The following ANKRD26 variants were observed in gnomAD, a reference collection of about 807,000 sequenced individuals.
ANKRD26 encodes the protein ankyrin repeat domain-containing protein 26.
ANKRD26 carries 141 observed loss-of-function variants against 208.7 expected under a neutral mutation model. The ratio of observed to expected loss-of-function variants is 0.68; its 90% CI spans 0.59 to 0.78. The LOEUF (loss-of-function observed/expected upper bound fraction) is 0.78. Ranked by LOEUF, ANKRD26 falls within the 30% of genes least tolerant of loss-of-function variation. The pLI is 0.00. For synonymous variants in ANKRD26, 636 were observed against 660.4 expected (o/e 0.96, Z 0.57); for missense variants, 1,889 against 1,938.7 (o/e 0.97, Z 0.48).
chr10:26,983,265 A>G (rs1589164704), intron 3 of ANKRD26, among the ~76,000 whole-genome samples: 1 of 152,200 alleles, frequency 6.6e-6, no homozygotes, highest in African/African-American at 2.4e-5. Context: ...CCATTGGAAT[A>G]CAGAATGTGT....
At chr10:26,986,875 T>C (rs149490734) in intron 3 of ANKRD26, among the ~76,000 whole-genome samples, 7,025 of 152,244 alleles carry the variant, frequency 0.046, 207 homozygotes, top group Admixed American at 0.12. Flanking sequence ...AATGTGGCAA[T>C]TCCTCAGGGA....
At chr10:26,999,160 TG>T (rs1459558992), downstream of ANKRD26, among the ~76,000 whole-genome samples, 5 of 152,242 alleles carry the variant, frequency 3.3e-5, no homozygotes, top group Admixed American at 2.6e-4. Flanking sequence ...ATGCCTTTTC[TG>T]TTCTAGTTCA....
intron 29 of ANKRD26, among the ~76,000 whole-genome samples, chr10:27,021,981 A>G (rs763279772): frequency 6.6e-6 from 1 of 152,096 alleles, no homozygotes; most frequent in Non-Finnish European, 1.5e-5. Flanking sequence ...ATTTTCTCCC[A>G]TTCTGTAGGT....
At chr10:27,061,796 C>T in intron 12 of ANKRD26, 1 of 294,334 alleles carries the variant, frequency 3.4e-6, no homozygotes, top group Non-Finnish European at 5.0e-6. Flanking sequence ...AACTCCTGGG[C>T]TCCAGCAACC....
intron 13 of ANKRD26, among the ~76,000 whole-genome samples, chr10:27,060,891 G>A (rs1180116713): frequency 6.6e-6 from 1 of 152,176 alleles, no homozygotes; most frequent in African/African-American, 2.4e-5. Flanking sequence ...CCTGAGAGGA[G>A]AAATGTCAAG....
chr10:26,997,424 A>C (rs754563494), intron 4 of ANKRD26, among the ~76,000 whole-genome samples: 1 of 152,166 alleles, frequency 6.6e-6, no homozygotes, highest in Non-Finnish European at 1.5e-5. Flanking sequence ...GAAACACTTT[A>C]ACTTCCTCAG....
chr10:27,035,829 A>G, intron 23 of ANKRD26, 77 bp from the exon 24 acceptor site: 9 of 1,070,474 alleles, frequency 8.4e-6, no homozygotes, highest in Non-Finnish European at 1.1e-5. Flanking sequence ...ATTAAAGAAT[A>G]AACTGTACAT....
intron 17 of ANKRD26, 106 bp downstream of exon 17, chr10:27,048,695 C>T (rs1378433275): frequency 2.4e-6 from 3 of 1,229,266 alleles, no homozygotes; most frequent in Non-Finnish European, 3.5e-6. Context: ...TTGCATATCC[C>T]TTGCATAGTA....
At position 27,093,445 on chromosome 10, in the gene ANKRD26, A is replaced by G. The variant is rs538639247; in HGVS notation, c.435T>C (p.His145=). 29 of 1,614,190 alleles carry G rather than the reference A, an allele frequency of 1.8e-5. No individual in the cohort carries two copies. The East Asian group carries it at 6.0e-4, about 33-fold the overall frequency. Residue 145 remains histidine (H), a synonymous_variant, in exon 3 of 34, where the codon CAT becomes CAC. Transcript: ENST00000376087. ...CAGCATAGTGAAGAGCAGTGTTGCC[A>G]TGGACATCCGCAAGATTTGGATCAG... is the stretch of plus-strand genomic sequence containing the variant. ...HGADPNLADV[H]GNTALHYAVY...
chr10:27,005,750 TCCTTA>T, intron 33 of ANKRD26, 27 bp from the exon 34 acceptor site: 1 of 1,595,572 alleles, frequency 6.3e-7, no homozygotes, highest in Non-Finnish European at 8.5e-7. Context: ...AGAATTATAT[TCCTTA>T]CCTAAAAGAT....
At chr10:26,950,005 T>A in the ANKRD26 span, among the ~76,000 whole-genome samples, 1 of 152,236 alleles carries the variant, frequency 6.6e-6, no homozygotes, top group South Asian at 2.1e-4. Context: ...GCATTCTGCA[T>A]TTTTCTGATT....
intron 33 of ANKRD26, among the ~76,000 whole-genome samples, chr10:27,006,375 T>C (rs528534776): frequency 5.3e-5 from 8 of 152,108 alleles, no homozygotes; most frequent in African/African-American, 1.2e-4. Flanking sequence ...AAGGACCACA[T>C]TGATGTGGGT....
At chr10:27,062,096 C>G in intron 12 of ANKRD26, 1 of 985,338 alleles carries the variant, frequency 1.0e-6, no homozygotes. Context: ...TCTTTCCCCA[C>G]TCACGATCTC....
downstream of ANKRD26, among the ~76,000 whole-genome samples, chr10:26,999,923 G>C (rs946865698): frequency 2.0e-5 from 3 of 151,570 alleles, no homozygotes; most frequent in African/African-American, 7.3e-5. Context: ...AACTCGAATT[G>C]TAAGTAGAAA....
chr10:27,015,904 T>C (rs12355949), intron 30 of ANKRD26, among the ~76,000 whole-genome samples: 12,197 of 152,184 alleles, frequency 0.08, 563 homozygotes, highest in African/African-American at 0.13. Flanking sequence ...TGTTATTAAG[T>C]AGATTTTTAT....
At position 27,049,996 on chromosome 10, in the gene ANKRD26, G is replaced by A. The variant is rs139936499; in HGVS notation, c.1636-1017C>T. Among the ~76,000 whole-genome samples, 336 of 152,042 alleles carry A rather than the reference G, an allele frequency of 2.2e-3. 5 individuals carry two copies. Among genetic ancestry groups the A allele is most frequent in the Admixed American group, 0.019 (289 of 15,264 alleles). ...CCAGCACTTTGGGAGGCCGAGGTGC[G>A]TGGATCATGAGGTCAGGAGTTTAAG... is the stretch of plus-strand genomic sequence containing the variant. On this transcript the variant is annotated intron_variant, in intron 16 of 33. Transcript: ENST00000376087.
the ANKRD26 span, among the ~76,000 whole-genome samples, chr10:26,954,008 C>T: frequency 6.6e-6 from 1 of 152,190 alleles, no homozygotes; most frequent in Non-Finnish European, 1.5e-5. Flanking sequence ...CACAGAGGCT[C>T]TCCTACAAAA....
chr10:26,971,964 A>T (rs113259809), downstream of ANKRD26, among the ~76,000 whole-genome samples: 4 of 151,858 alleles, frequency 2.6e-5, no homozygotes, highest in African/African-American at 9.7e-5. Context: ...GGCCGGGCGC[A>T]GTGGCTCACG....
At chr10:27,018,683 C>T (rs1037382762) in intron 29 of ANKRD26, among the ~76,000 whole-genome samples, 2 of 152,016 alleles carry the variant, frequency 1.3e-5, no homozygotes, top group Non-Finnish European at 1.5e-5. Context: ...GAAATAAATT[C>T]GTGTATTTAC....
Sources: gnomAD v4.1 joint callset for allele counts (sites outside exome capture counted in the v4.1 genomes callset) on GRCh38, gnomAD v4.1.1 for gene constraint, MANE v1.5 for transcripts, NCBI Gene and HGNC (gene_info 2026-07-23, HGNC 2026-07-21) for gene names.